The following PPP2R5C variants were observed in gnomAD, a reference collection of about 807,000 sequenced individuals.
PPP2R5C encodes the protein serine/threonine-protein phosphatase 2A 56 kDa regulatory subunit gamma isoform.
PPP2R5C carries 7 observed loss-of-function variants against 68.9 expected under a neutral mutation model. The observed-to-expected ratio is 0.10, with a 90% CI of 0.06 to 0.19. The LOEUF (loss-of-function observed/expected upper bound fraction) is 0.19. PPP2R5C is among the 10% of genes least tolerant of loss of function. The pLI, the probability that PPP2R5C is intolerant of heterozygous loss-of-function variation, is 1.00. For missense variants in PPP2R5C, 348 were observed against 641.3 expected (o/e 0.54, Z 4.94); for synonymous variants, 210 against 222.2 (o/e 0.95, Z 0.49).
At position 101,841,101 on chromosome 14, in the gene PPP2R5C, G is replaced by A. The variant is rs556219464; in HGVS notation, c.95-15585G>A. ...CTTAATTCACATCAACCCCAGTAAA[G>A]ACAATATTCCCATTTTCCAGTTGAG... On this transcript the variant is annotated intron_variant, in intron 1 of 13. Coordinates refer to ENST00000334743, the Ensembl canonical transcript of PPP2R5C. 2.0e-5 allele frequency among the ~76,000 whole-genome samples: 3 copies of A among 152,222 alleles called. No homozygotes were observed. The South Asian group carries it at 6.2e-4, about 32-fold the overall frequency.
At chr14:101,920,146 G>A (rs944328434) in intron 13 of PPP2R5C, among the ~76,000 whole-genome samples, 1 of 152,204 alleles carries the variant, frequency 6.6e-6, no homozygotes, top group Non-Finnish European at 1.5e-5. Context: ...TTTAGGTCCT[G>A]CTCTGTAGTA....
Position 101,887,899 on chromosome 14 carries a change from G to A in PPP2R5C, c.630-2338G>A, listed in dbSNP as rs559745136. Among the ~76,000 whole-genome samples the A allele has an allele frequency of 9.2e-5, 14 of 152,254 alleles. No homozygotes were observed. In the East Asian group the frequency reaches 2.7e-3, roughly 29 times the overall value. ...TGGGGGGTCTGATTCCCTTTCTGCT[G>A]AAAGAGTGAGAAACACTCTCTCCGG... On this transcript the variant is annotated intron_variant, in intron 5 of 13. Transcript: ENST00000334743.
chr14:101,889,651 G>GTC (rs1204495756), intron 5 of PPP2R5C: 2 of 246,594 alleles, frequency 8.1e-6, no homozygotes, highest in African/African-American at 2.3e-5. Flanking sequence ...AGGGAGCTGG[G>GTC]TCTGTCGCAG....
intron 1 of PPP2R5C, among the ~76,000 whole-genome samples, chr14:101,843,044 A>G (rs2041595151): frequency 6.6e-6 from 1 of 152,016 alleles, no homozygotes; most frequent in African/African-American, 2.4e-5. Flanking sequence ...TGGGCAACAC[A>G]GCAAGACTCT....
At chr14:101,790,389 A>C (rs2038302242) in intron 3 of PPP2R5C, among the ~76,000 whole-genome samples, 1 of 152,182 alleles carries the variant, frequency 6.6e-6, no homozygotes, top group Non-Finnish European at 1.5e-5. Flanking sequence ...TCTGCCTCCA[A>C]AAGTTACCTC....
chr14:101,803,580 C>T (rs183111682), intron 3 of PPP2R5C, among the ~76,000 whole-genome samples: 31 of 152,072 alleles, frequency 2.0e-4, no homozygotes, highest in Non-Finnish European at 3.5e-4. Flanking sequence ...AAAAATCAGC[C>T]GGGCGTGGTG....
chr14:101,870,062 T>TAG (rs780365996), intron 2 of PPP2R5C, among the ~76,000 whole-genome samples: 2 of 142,868 alleles, frequency 1.4e-5, no homozygotes, highest in African/African-American at 2.7e-5. Context: ...TTTTTTTTTT[T>TAG]TTTTGAGTTT....
chr14:101,909,678 C>T (rs1467985532), exon 11 of PPP2R5C: 3 of 1,596,978 alleles, frequency 1.9e-6, no homozygotes, highest in Non-Finnish European at 2.6e-6. Context: ...CAGTTCAAAG[C>T]AGAGAAACTA....
chr14:101,906,732 C>A lies in PPP2R5C; in HGVS notation c.1151+203C>A. On this transcript the variant is annotated intron_variant, in intron 10 of 13. Transcript: ENST00000334743. The surrounding 1 kb of genome is among the most constrained non-coding windows in gnomAD (Gnocchi z 4.0). ...TTACCACCTTATACCTTCATTCCTG[C>A]CAGTATAGAGGCACATTGGTTTGCA... is the stretch of plus-strand genomic sequence containing the variant. 1.6e-6 allele frequency: 1 copy of A among 624,492 alleles called. No homozygotes were observed. Among genetic ancestry groups the A allele is most frequent in the Non-Finnish European group, 2.6e-6 (1 of 384,244 alleles). 38.7% of individuals were successfully genotyped at this position (624,492 alleles called of 1,614,324 possible).
intron 1 of PPP2R5C, among the ~76,000 whole-genome samples, chr14:101,821,629 G>C (rs958356419): frequency 1.3e-4 from 20 of 151,408 alleles, no homozygotes; most frequent in Non-Finnish European, 2.9e-4. Context: ...GGCGCTCTCG[G>C]TTCATAATGC....
At position 101,768,825 on chromosome 14, in the gene PPP2R5C, CTT is replaced by C. The variant is rs57812551; in HGVS notation, c.93+5871_93+5872del. 4.8e-3 allele frequency among the ~76,000 whole-genome samples: 666 copies of C among 139,070 alleles called. 5 individuals carry two copies. The highest frequency in any genetic ancestry group is 0.015 in the Middle Eastern group (4 of 262). 91.2% of individuals were successfully genotyped at this position (139,070 alleles called of 152,430 possible). A position where few individuals can be genotyped will look rare whatever the true frequency, so the allele number is the denominator to read the frequency against. On this transcript the variant is annotated intron_variant, in intron 2 of 14. Transcript: ENST00000328724. ...CTGCTGGCCATCTGAATCCTTTCAT[CTT>C]TTTTTTTTTTTTTTTGAGACGGAGT...
intron 5 of PPP2R5C, chr14:101,890,023 C>A: frequency 1.5e-6 from 1 of 660,816 alleles, no homozygotes; most frequent in Non-Finnish European, 2.8e-6. Flanking sequence ...GAAAAAAATT[C>A]GTGCAAGACC....
At position 101,915,702 on chromosome 14, in the gene PPP2R5C, T is replaced by C. The variant is rs564764127; in HGVS notation, c.1327-2129T>C. Among the ~76,000 whole-genome samples the C allele has an allele frequency of 6.6e-6, 1 of 152,290 alleles. No individual in the cohort carries two copies. Among genetic ancestry groups the C allele is most frequent in the East Asian group, 1.9e-4 (1 of 5,184 alleles). The stretch of plus-strand genomic sequence containing the variant: ...AGGAAAGGTGCTGTGTCCTGAATTG[T>C]GGAAATTTCTAGGGATACAAAGATG... On this transcript the variant is annotated intron_variant, in intron 12 of 13. Coordinates refer to ENST00000334743, the Ensembl canonical transcript of PPP2R5C. This position sits in a 1 kb window ranked among gnomAD's most constrained non-coding sequence, Gnocchi z 4.2.
Position 101,891,710 on chromosome 14 carries a change from C to T in PPP2R5C, c.690-1290C>T, listed in dbSNP as rs2044940345. On this transcript the variant is annotated intron_variant, in intron 6 of 13. Coordinates refer to ENST00000334743, the Ensembl canonical transcript of PPP2R5C. This position sits in a 1 kb window ranked among gnomAD's most constrained non-coding sequence, Gnocchi z 4.9. ...CGGGTGACCCTGTGAGTGAGCACAC[C>T]CTCCTTGATGGGCCGCTCCAGGCTC... Among the ~76,000 whole-genome samples the T allele has an allele frequency of 6.6e-6, 1 of 152,162 alleles. No individual in the cohort carries two copies. Among genetic ancestry groups the T allele is most frequent in the Non-Finnish European group, 1.5e-5 (1 of 68,026 alleles).
At chr14:101,804,982 T>G (rs540746263), upstream of PPP2R5C, among the ~76,000 whole-genome samples, 22 of 152,330 alleles carry the variant, frequency 1.4e-4, no homozygotes, top group South Asian at 4.6e-3. Flanking sequence ...TTGTGTCTCT[T>G]AAATATATAT....
At position 101,882,029 on chromosome 14, in the gene PPP2R5C, C is replaced by T. The variant is rs2044200862; in HGVS notation, c.295-132C>T. The T allele has an allele frequency of 9.1e-6, 6 of 657,482 alleles. No homozygotes were observed. The highest frequency in any genetic ancestry group is 2.3e-5 in the South Asian group (1 of 44,138). 40.7% of individuals were successfully genotyped at this position (657,482 alleles called of 1,614,324 possible). On this transcript the variant is annotated intron_variant, in intron 2 of 13. Coordinates refer to ENST00000334743, the Ensembl canonical transcript of PPP2R5C. This position sits in a 1 kb window ranked among gnomAD's most constrained non-coding sequence, Gnocchi z 4.9. ...TCTCTGAGGACCCACACAGCTTCTG[C>T]GTTTTGAGGATACGGAGGAGCTAAG...
chr14:101,831,206 A>C (rs1394610292), intron 1 of PPP2R5C, among the ~76,000 whole-genome samples: 4 of 152,180 alleles, frequency 2.6e-5, no homozygotes, highest in African/African-American at 9.7e-5. Flanking sequence ...TTTTACCATA[A>C]ATGAAATATG....
chr14:101,925,646 C>G (rs1431677971), exon 14 of PPP2R5C: 1 of 163,270 alleles, frequency 6.1e-6, no homozygotes, highest in Non-Finnish European at 1.3e-5. Context: ...CAGTGTTTTC[C>G]AAATCAAAGG....
chr14:101,866,499 A>G (rs978371669), intron 2 of PPP2R5C, among the ~76,000 whole-genome samples: 2 of 152,062 alleles, frequency 1.3e-5, no homozygotes, highest in African/African-American at 4.8e-5. Context: ...GTGAAACCCC[A>G]TCTCTACTAA....
Sources: gnomAD v4.1 joint callset for allele counts (sites outside exome capture counted in the v4.1 genomes callset) on GRCh38, gnomAD v4.1.1 for gene constraint, Gnocchi (gnomAD v3.1) non-coding constraint, MANE v1.5 for transcripts, NCBI Gene and HGNC (gene_info 2026-07-23, HGNC 2026-07-21) for gene names.